DMRT1: variants seen among roughly 807,000 people sequenced by gnomAD.
DMRT1 encodes the protein doublesex- and mab-3-related transcription factor 1.
A neutral mutation model predicts 32.3 loss-of-function variants in DMRT1; 7 were observed. The ratio of observed to expected loss-of-function variants is 0.22; its 90% confidence interval spans 0.12 to 0.41. The LOEUF is 0.41. Ranked by LOEUF, DMRT1 falls within the 10% of genes least tolerant of loss-of-function variation. The probability of loss-of-function intolerance (pLI) is 1.00; values close to 1 mark genes in which losing one functional copy is unlikely to be tolerated. For synonymous variants in DMRT1, 278 were observed against 206.1 expected (o/e 1.35, Z -2.99); for missense variants, 625 against 500.5 (o/e 1.25, Z -2.37).
chr9:880,722 C>G lies in DMRT1; in HGVS notation c.539-13190C>G, dbSNP rs542778546. Reference sequence around the variant, plus strand: ...ACCTGGGCAACCAGCAAAACTCAGTCTCAAAAAAAAAAAAAAAAAAAGAAA... The same window carrying G: ...ACCTGGGCAACCAGCAAAACTCAGTGTCAAAAAAAAAAAAAAAAAAAGAAA... On this transcript the variant is annotated intron_variant, in intron 2 of 4. Transcript: ENST00000382276. 3.2e-3 allele frequency among the ~76,000 whole-genome samples: 337 copies of G among 104,986 alleles called. 1 individual carries two copies. The highest frequency in any genetic ancestry group is 4.3e-3 in the Non-Finnish European group (246 of 56,632). The allele number at this position is 104,986 out of a possible 152,430, so 68.9% of individuals were successfully genotyped here.
chr9:902,736 A>T (rs956582126), intron 3 of DMRT1, among the ~76,000 whole-genome samples: 6 of 149,354 alleles, frequency 4.0e-5, no homozygotes, highest in Non-Finnish European at 5.9e-5. Context: ...TGATCCGCCC[A>T]CCTCAGCTTC....
At chr9:961,274 A>C (rs910624454) in intron 4 of DMRT1, among the ~76,000 whole-genome samples, 2 of 152,172 alleles carry the variant, frequency 1.3e-5, no homozygotes, top group African/African-American at 2.4e-5. Context: ...TTCTCTCCTC[A>C]GAACGCAAGC....
At chr9:946,268 A>T (rs1219667888) in intron 4 of DMRT1, among the ~76,000 whole-genome samples, 1 of 152,084 alleles carries the variant, frequency 6.6e-6, no homozygotes, top group African/African-American at 2.4e-5. Flanking sequence ...GACTGGCTGC[A>T]CCTGGTTACA....
At chr9:957,342 A>T (rs1476626618) in intron 4 of DMRT1, among the ~76,000 whole-genome samples, 1 of 152,272 alleles carries the variant, frequency 6.6e-6, no homozygotes, top group Non-Finnish European at 1.5e-5. Flanking sequence ...CTTGGGGCTA[A>T]TTGGACAGAA....
intron 4 of DMRT1, among the ~76,000 whole-genome samples, chr9:953,034 G>A (rs1217396642): frequency 1.3e-5 from 2 of 152,170 alleles, no homozygotes; most frequent in African/African-American, 4.8e-5. Context: ...TTTGAAATGT[G>A]TAGAGACTTT....
intron 4 of DMRT1, among the ~76,000 whole-genome samples, chr9:939,456 T>C (rs948315596): frequency 2.6e-5 from 4 of 152,218 alleles, no homozygotes; most frequent in Non-Finnish European, 4.4e-5. Flanking sequence ...AAAACAGAGT[T>C]AATTTACCGT....
At chr9:847,265 G>C (rs2273930) in intron 2 of DMRT1, 122 bp downstream of exon 2, 2 of 1,073,088 alleles carry the variant, frequency 1.9e-6, no homozygotes, top group Non-Finnish European at 1.3e-6. Flanking sequence ...GGATTCTGTA[G>C]AGGATTCTCC....
chr9:883,986 A>G (rs533326946), intron 2 of DMRT1, among the ~76,000 whole-genome samples: 1 of 152,284 alleles, frequency 6.6e-6, no homozygotes, highest in East Asian at 1.9e-4. Context: ...CAAAGAGAAA[A>G]TCTGGAGTAT....
intron 2 of DMRT1, among the ~76,000 whole-genome samples, chr9:889,554 G>A (rs973158609): frequency 2.0e-5 from 3 of 152,144 alleles, no homozygotes; most frequent in East Asian, 1.9e-4. Context: ...TTGACCTGAC[G>A]TAGCATTTTA....
intron 4 of DMRT1, among the ~76,000 whole-genome samples, chr9:940,289 G>A (rs1007783219): frequency 6.6e-6 from 1 of 152,168 alleles, no homozygotes; most frequent in Non-Finnish European, 1.5e-5. Context: ...TTATTTCACA[G>A]TAGCCAAAGG....
At chr9:863,186 T>TGGCTGCTTTTAGTCCC (rs1266500477) in intron 2 of DMRT1, among the ~76,000 whole-genome samples, 1 of 123,438 alleles carries the variant, frequency 8.1e-6, no homozygotes, top group East Asian at 2.2e-4. Context: ...GGTGTGGGGG[T>TGGCTGCTTTTAGTCCC]GGCTGCTTTT....
chr9:873,023 C>G (rs1312198109), intron 2 of DMRT1, among the ~76,000 whole-genome samples: 8 of 152,238 alleles, frequency 5.3e-5, no homozygotes, highest in Admixed American at 5.2e-4. Context: ...CACTCACAGA[C>G]ACACCCCAGA....
chr9:957,354 A>T (rs914243115), intron 4 of DMRT1, among the ~76,000 whole-genome samples: 1 of 152,272 alleles, frequency 6.6e-6, no homozygotes, highest in African/African-American at 2.4e-5. Flanking sequence ...TGGACAGAAG[A>T]TACCACAAAA....
chr9:893,262 GA>G (rs1817222686), intron 2 of DMRT1, among the ~76,000 whole-genome samples: 1 of 152,250 alleles, frequency 6.6e-6, no homozygotes, highest in Non-Finnish European at 1.5e-5. Context: ...GTCTGTGCCA[GA>G]GGTTGGGAAA....
chr9:851,482 C>T (rs552369642), intron 2 of DMRT1, among the ~76,000 whole-genome samples: 1 of 152,268 alleles, frequency 6.6e-6, no homozygotes, highest in African/African-American at 2.4e-5. Context: ...CAAATGATTG[C>T]CCGCCTCGGC....
intron 3 of DMRT1, among the ~76,000 whole-genome samples, chr9:907,417 T>G (rs1817815435): frequency 6.6e-6 from 1 of 152,178 alleles, no homozygotes; most frequent in African/African-American, 2.4e-5. Context: ...TTTCTCAAGA[T>G]GAAGAAGGCG....
chr9:848,742 A>G (rs1430391033), intron 2 of DMRT1, among the ~76,000 whole-genome samples: 3 of 147,394 alleles, frequency 2.0e-5, no homozygotes, highest in African/African-American at 7.5e-5. Context: ...TTTAGTAAAG[A>G]TGGAGTTTCA....
chr9:897,115 TATTA>T (rs1564233223), intron 3 of DMRT1, among the ~76,000 whole-genome samples: 1 of 149,080 alleles, frequency 6.7e-6, no homozygotes, highest in Non-Finnish European at 1.5e-5. Flanking sequence ...TTATTATTAT[TATTA>T]TTATTATTTT....
At chr9:918,192 G>A (rs1208963650) in intron 4 of DMRT1, among the ~76,000 whole-genome samples, 1 of 152,228 alleles carries the variant, frequency 6.6e-6, no homozygotes, top group African/African-American at 2.4e-5. Context: ...GCCTGTAAGG[G>A]CGTGCAAGCA....
Sources: gnomAD v4.1 joint callset for allele counts (sites outside exome capture counted in the v4.1 genomes callset) on GRCh38, gnomAD v4.1.1 for gene constraint, MANE v1.5 for transcripts, NCBI Gene and HGNC (gene_info 2026-07-23, HGNC 2026-07-21) for gene names.